The following ALKBH8 variants were observed in gnomAD, a reference collection of about 807,000 sequenced individuals.
ALKBH8 encodes tRNA (carboxymethyluridine(34)-5-O)-methyltransferase ALKBH8.
A neutral mutation model predicts 59.8 loss-of-function variants in ALKBH8; 36 were observed. The ratio of observed to expected loss-of-function variants is 0.60; its 90% CI spans 0.46 to 0.79. ALKBH8 has a LOEUF of 0.79. ALKBH8 is among the 30% of genes least tolerant of loss of function. The pLI is 0.00. For synonymous variants in ALKBH8, 276 were observed against 273.6 expected (o/e 1.01, Z -0.09); for missense variants, 768 against 801.0 (o/e 0.96, Z 0.50).
At chr11:107,525,317 G>T in intron 9 of ALKBH8, 124 bp downstream of exon 9, 1 of 878,056 alleles carries the variant, frequency 1.1e-6, no homozygotes, top group Non-Finnish European at 1.6e-6. Context: ...GCAATACAAG[G>T]CAAAATACAG....
intron 1 of ALKBH8, chr11:107,562,620 C>T (rs568011003): frequency 3.3e-5 from 5 of 152,166 alleles, no homozygotes; most frequent in African/African-American, 9.6e-5. Context: ...ATTCTAATTA[C>T]TAATCTTTAG....
intron 10 of ALKBH8, among the ~76,000 whole-genome samples, chr11:107,518,563 G>A (rs999655315): frequency 9.2e-5 from 14 of 152,226 alleles, no homozygotes; most frequent in African/African-American, 2.7e-4. Context: ...CACCTGGCCC[G>A]CCCAGGGCGG....
intron 6 of ALKBH8, among the ~76,000 whole-genome samples, chr11:107,550,912 T>C (rs1191021765): frequency 1.3e-5 from 2 of 152,180 alleles, no homozygotes; most frequent in Non-Finnish European, 2.9e-5. Context: ...CACCTTGATC[T>C]TGAACTTCCC....
At chr11:107,513,553 G>A (rs1272863532) in intron 10 of ALKBH8, among the ~76,000 whole-genome samples, 1 of 152,160 alleles carries the variant, frequency 6.6e-6, no homozygotes, top group Non-Finnish European at 1.5e-5. Context: ...TATATCCAAA[G>A]TAATATAAAT....
At chr11:107,548,390 T>C (rs1202440401) in intron 7 of ALKBH8, among the ~76,000 whole-genome samples, 1 of 152,246 alleles carries the variant, frequency 6.6e-6, no homozygotes, top group African/African-American at 2.4e-5. Flanking sequence ...AGTAGTAAAG[T>C]TAACACTCTG....
chr11:107,512,082 T>C (rs141164697), intron 10 of ALKBH8, among the ~76,000 whole-genome samples: 113 of 152,204 alleles, frequency 7.4e-4, no homozygotes, highest in African/African-American at 2.6e-3. Context: ...ATGCCTTATG[T>C]ATGCATCTGG....
Position 107,538,155 on chromosome 11 carries a change from G to GT in ALKBH8, c.772-5750dup, listed in dbSNP as rs1044322275. Among the ~76,000 whole-genome samples the GT allele has an allele frequency of 1.8e-3, 270 of 149,460 alleles. 2 individuals are homozygous for GT. Among genetic ancestry groups the GT allele is most frequent in the African/African-American group, 5.7e-3 (232 of 40,726 alleles). On this transcript the variant is annotated intron_variant, in intron 7 of 11. Coordinates refer to ENST00000428149, the MANE Select transcript of ALKBH8 (RefSeq NM_138775.3). ...GCTCCTATTTTATTACAGATTTTCT[G>GT]TTTTTTTTTACACATTTTATCCTTT...
chr11:107,529,893 A>C (rs1182724467), intron 8 of ALKBH8, among the ~76,000 whole-genome samples: 1 of 152,162 alleles, frequency 6.6e-6, no homozygotes, highest in Non-Finnish European at 1.5e-5. Context: ...GCACAGTGTT[A>C]AATGACAACT....
chr11:107,534,761 T>TTC (rs1863740004), intron 7 of ALKBH8, among the ~76,000 whole-genome samples: 1 of 151,748 alleles, frequency 6.6e-6, no homozygotes, highest in South Asian at 2.1e-4. Context: ...CCTCATCTTT[T>TTC]TTTTTTTTCT....
Position 107,532,360 on chromosome 11 carries a change from A to C in ALKBH8, c.818T>G (p.Met273Arg), listed in dbSNP as rs779834310. 6.2e-6 allele frequency: 10 copies of C among 1,613,782 alleles called. No individual in the cohort carries two copies. In the South Asian group the frequency reaches 1.1e-4, roughly 18 times the overall value. Residue 273 changes from methionine (M) to arginine (R), a missense_variant, in exon 8 of 12, where the codon ATG becomes AGG. By Grantham distance (91) the Met-to-Arg change is moderately conservative. Transcript: ENST00000428149. ...KHPDGIAVPV[M>R]LPRRSLLVMT... ...CACCAGCAAACTCCGACGAGGCAAC[A>C]TAACTGGCACTGCAATGCCATCTGG...
chr11:107,502,780 C>G lies in ALKBH8; in HGVS notation c.*1878G>C, dbSNP rs2135455402. 1 of 152,330 alleles carries G rather than the reference C, an allele frequency of 6.6e-6. No homozygotes were observed. The highest frequency in any genetic ancestry group is 1.5e-5 in the Non-Finnish European group (1 of 68,022). The allele number at this position is 152,330 out of a possible 1,614,324, so 9.4% of individuals were successfully genotyped here. On this transcript the variant is annotated 3_prime_UTR_variant, in exon 12 of 12. Transcript: ENST00000428149. ...AATTAACAAATTATATTTGGCATCA[C>G]TTAATACCTAAAACTCCTCTGGGAG...
intron 5 of ALKBH8, 132 bp from the exon 6 acceptor site, chr11:107,552,044 C>A (rs1301239406): frequency 2.9e-5 from 11 of 382,498 alleles, no homozygotes; most frequent in Non-Finnish European, 5.0e-5. Flanking sequence ...AATAAACCCA[C>A]AAGCAAAACA....
chr11:107,517,759 T>C (rs1862927630), intron 10 of ALKBH8, among the ~76,000 whole-genome samples: 3 of 152,094 alleles, frequency 2.0e-5, no homozygotes, highest in African/African-American at 4.8e-5. Context: ...ACTGAGACAG[T>C]TGAAGTATGG....
chr11:107,555,623 C>T (rs547889951), intron 3 of ALKBH8, among the ~76,000 whole-genome samples: 1 of 152,182 alleles, frequency 6.6e-6, no homozygotes, highest in Non-Finnish European at 1.5e-5. Flanking sequence ...TAAAATATAC[C>T]TTTAAAAGAG....
intron 7 of ALKBH8, among the ~76,000 whole-genome samples, chr11:107,533,072 T>G (rs1006074701): frequency 2.6e-5 from 4 of 152,134 alleles, no homozygotes; most frequent in African/African-American, 9.7e-5. Flanking sequence ...TTCGGCAACT[T>G]TTCCTAAGTT....
chr11:107,528,780 C>T lies in ALKBH8; in HGVS notation c.879-3188G>A, dbSNP rs114164753. Among the ~76,000 whole-genome samples, 465 of 152,130 alleles carry T rather than the reference C, an allele frequency of 3.1e-3. 4 individuals carry two copies. The highest frequency in any genetic ancestry group is 0.011 in the African/African-American group (445 of 41,490). ...TGCTAAACATCTTTTTCCCCCTGCA[C>T]TCAAATTATAATCAAATTGGGACAA... On this transcript the variant is annotated intron_variant, in intron 8 of 11. Transcript: ENST00000428149.
intron 7 of ALKBH8, among the ~76,000 whole-genome samples, chr11:107,535,426 T>A (rs1863774163): frequency 6.6e-6 from 1 of 152,196 alleles, no homozygotes; most frequent in Non-Finnish European, 1.5e-5. Flanking sequence ...TTTTATTTTT[T>A]AAATTTTTTT....
At chr11:107,532,895 T>C (rs682919) in intron 7 of ALKBH8, among the ~76,000 whole-genome samples, 145,607 of 152,248 alleles carry the variant, frequency 0.96, 69,798 homozygotes, top group African/African-American at 0.99. Context: ...ATAACTGGCA[T>C]ACAGTATAAT....
In ALKBH8 at chr11:107,505,233, A is replaced by AACACATG. The variant is rs1297621479; in HGVS notation, c.1438-25_1438-19dup. ...CTACGCTCCTAATGAAAAAAAACAAAACACATGATCAACCTGGAAGAGACA... is the reference window on the plus strand; with the variant it reads ...CTACGCTCCTAATGAAAAAAAACAAAACACATGACACATGATCAACCTGGAAGAGACA... On this transcript the variant is annotated intron_variant, in intron 11 of 11. Transcript: ENST00000428149. 19 of 1,503,802 alleles carry AACACATG rather than the reference A, an allele frequency of 1.3e-5. No homozygotes were observed. In the African/African-American group the frequency reaches 2.4e-4, roughly 19 times the overall value. The allele number at this position is 1,503,802 out of a possible 1,614,324, so 93.2% of individuals were successfully genotyped here. A position where few individuals can be genotyped will look rare whatever the true frequency, so the allele number is the denominator to read the frequency against.
Sources: allele counts gnomAD v4.1 joint callset (sites outside exome capture counted in the v4.1 genomes callset), GRCh38; gene constraint gnomAD v4.1.1; transcripts MANE v1.5; gene names NCBI Gene and HGNC (gene_info 2026-07-23, HGNC 2026-07-21).